The following ADAM18 variants were observed in gnomAD, a reference collection of about 807,000 sequenced individuals.
ADAM18 encodes ADAM metallopeptidase domain 18, also known as disintegrin and metalloproteinase domain-containing protein 18.
Under a neutral mutation model 94.4 loss-of-function variants are expected in ADAM18, and 117 were observed. The observed-to-expected ratio is 1.24, with a 90% CI of 1.07 to 1.45. The LOEUF (loss-of-function observed/expected upper bound fraction) is 1.45, where lower values mean the gene tolerates loss of function less well. ADAM18 is among the 40% of genes most tolerant of loss of function. The pLI, the probability that ADAM18 is intolerant of heterozygous loss-of-function variation, is 0.00. For synonymous variants in ADAM18, 327 were observed against 291.6 expected (o/e 1.12, Z -1.24); for missense variants, 936 against 880.0 (o/e 1.06, Z -0.81).
At chr8:39,595,638 C>T (rs1208744898) in intron 2 of ADAM18, among the ~76,000 whole-genome samples, 1 of 152,184 alleles carries the variant, frequency 6.6e-6, no homozygotes, top group East Asian at 1.9e-4. Flanking sequence ...TCTCCTGCCT[C>T]AGCCTCCCAA....
At chr8:39,701,050 G>A (rs1478628647) in intron 17 of ADAM18, among the ~76,000 whole-genome samples, 28 of 134,838 alleles carry the variant, frequency 2.1e-4, no homozygotes, top group Non-Finnish European at 3.0e-4. Context: ...CCCGGGAGGC[G>A]GAGCTTGCAG....
chr8:39,674,740 T>A (rs1401478896), intron 14 of ADAM18, among the ~76,000 whole-genome samples: 1 of 152,228 alleles, frequency 6.6e-6, no homozygotes. Flanking sequence ...CAATTTGGCC[T>A]GTTTTTGTAG....
At chr8:39,620,819 C>A (rs1023236515) in intron 6 of ADAM18, among the ~76,000 whole-genome samples, 1 of 151,496 alleles carries the variant, frequency 6.6e-6, no homozygotes, top group African/African-American at 2.4e-5. Flanking sequence ...ATACTGTGCA[C>A]ACAGAGATGT....
intron 10 of ADAM18, among the ~76,000 whole-genome samples, chr8:39,643,329 A>G (rs35926009): frequency 0.029 from 4,477 of 152,164 alleles, 87 homozygotes; most frequent in Non-Finnish European, 0.049. Context: ...GAGAGAGGGC[A>G]TCCTTATCTA....
intron 2 of ADAM18, chr8:39,604,742 C>A (rs554554683): frequency 1.3e-5 from 2 of 152,314 alleles, no homozygotes; most frequent in South Asian, 4.1e-4. Flanking sequence ...GAACGGTGAG[C>A]CAACTAAACC....
At chr8:39,702,597 C>T (rs1822115083) in intron 17 of ADAM18, among the ~76,000 whole-genome samples, 1 of 152,018 alleles carries the variant, frequency 6.6e-6, no homozygotes, top group Non-Finnish European at 1.5e-5. Context: ...GGTCTTATTC[C>T]AAGGTTTTTG....
chr8:39,659,636 G>A lies in ADAM18; in HGVS notation c.1231-4159G>A, dbSNP rs1304322689. 2.6e-5 allele frequency among the ~76,000 whole-genome samples: 4 copies of A among 151,920 alleles called. No individual in the cohort carries two copies. In the South Asian group the frequency reaches 6.2e-4, roughly 24 times the overall value. ...AAAACAAAATACATGGACCATGCAC[G>A]TATCCATAGTTCATAAGGCTTTAAT... On this transcript the variant is annotated intron_variant, in intron 12 of 19. Transcript: ENST00000265707.
intron 2 of ADAM18, among the ~76,000 whole-genome samples, chr8:39,592,805 C>A (rs1289365917): frequency 6.6e-6 from 1 of 152,132 alleles, no homozygotes; most frequent in South Asian, 2.1e-4. Context: ...AACAATCAAG[C>A]ACGTGTACCC....
intron 19 of ADAM18, among the ~76,000 whole-genome samples, chr8:39,725,554 A>AT (rs1168080942): frequency 1.3e-5 from 2 of 152,078 alleles, no homozygotes; most frequent in African/African-American, 4.8e-5. Context: ...GAATTTGATT[A>AT]TTTTTGAGTC....
intron 18 of ADAM18, among the ~76,000 whole-genome samples, chr8:39,718,215 A>T (rs1040766197): frequency 6.6e-6 from 1 of 151,554 alleles, no homozygotes; most frequent in African/African-American, 2.4e-5. Flanking sequence ...CCACCAATGG[A>T]GACATATTTA....
At chr8:39,585,378 A>G (rs767829464) in intron 2 of ADAM18, 26 bp downstream of exon 2, 3 of 1,557,026 alleles carry the variant, frequency 1.9e-6, no homozygotes, top group Admixed American at 3.5e-5. Flanking sequence ...TATTTATTCT[A>G]TATTTAAAGC....
At chr8:39,591,751 A>G (rs1357881732) in intron 2 of ADAM18, among the ~76,000 whole-genome samples, 2 of 152,244 alleles carry the variant, frequency 1.3e-5, no homozygotes, top group African/African-American at 4.8e-5. Flanking sequence ...AATGACATGT[A>G]GAATGGTGAA....
At chr8:39,697,121 T>C (rs1821948659) in intron 17 of ADAM18, among the ~76,000 whole-genome samples, 1 of 151,640 alleles carries the variant, frequency 6.6e-6, no homozygotes, top group South Asian at 2.1e-4. Flanking sequence ...TTCTTTCTAA[T>C]AATATTGTAA....
chr8:39,718,525 G>C (rs1433538456), intron 18 of ADAM18, among the ~76,000 whole-genome samples: 2 of 151,472 alleles, frequency 1.3e-5, no homozygotes. Flanking sequence ...TATAATTAAA[G>C]AATAGAATGG....
Position 39,723,823 on chromosome 8 carries a change from C to T in ADAM18, c.2093C>T (p.Pro698Leu), listed in dbSNP as rs61757466. Residue 698 changes from proline (P) to leucine (L), a missense_variant, in exon 19 of 20, where the codon CCG (proline) becomes CTG (leucine). Physicochemically the swap from Pro to Leu is moderately conservative, Grantham distance 98. Transcript: ENST00000265707. ...ATTCTGAGTTTCTGCATTTTTCTGC[C>T]GTTTTTCATAGTTTTCACCACTGTG... ...WFILSFCIFL[P>L]FFIVFTTVIF... The T allele has an allele frequency of 1.2e-5, 19 of 1,582,880 alleles. No homozygotes were observed. Among genetic ancestry groups the T allele is most frequent in the Admixed American group, 1.8e-5 (1 of 56,152 alleles).
At chr8:39,651,852 A>G (rs1820547753) in intron 12 of ADAM18, among the ~76,000 whole-genome samples, 2 of 152,210 alleles carry the variant, frequency 1.3e-5, no homozygotes, top group Admixed American at 6.5e-5. Flanking sequence ...ACTTCAAAAT[A>G]TACTATAAAG....
chr8:39,697,498 G>A (rs1585991178), intron 17 of ADAM18, among the ~76,000 whole-genome samples: 4 of 151,548 alleles, frequency 2.6e-5, no homozygotes, highest in Admixed American at 6.6e-5. Context: ...GATTTAAAAG[G>A]TAGTGAATTT....
At chr8:39,625,516 G>GA (rs763424795) in intron 6 of ADAM18, among the ~76,000 whole-genome samples, 5 of 152,008 alleles carry the variant, frequency 3.3e-5, no homozygotes, top group Admixed American at 6.6e-5. Flanking sequence ...TTCCAATTTG[G>GA]ATTTCCTTTA....
intron 18 of ADAM18, among the ~76,000 whole-genome samples, chr8:39,719,954 A>C (rs924023819): frequency 1.5e-4 from 23 of 151,628 alleles, no homozygotes; most frequent in African/African-American, 5.3e-4. Context: ...AAATGTATAT[A>C]GTAACAATTT....
Sources: gnomAD v4.1 joint callset for allele counts (sites outside exome capture counted in the v4.1 genomes callset) on GRCh38, gnomAD v4.1.1 for gene constraint, MANE v1.5 for transcripts, NCBI Gene and HGNC (gene_info 2026-07-23, HGNC 2026-07-21) for gene names.